ETV1: variants seen among roughly 807,000 people sequenced by gnomAD.
ETV1 encodes ETS translocation variant 1.
ETV1 carries 27 observed loss-of-function variants against 62.3 expected under a neutral mutation model. The ratio of observed to expected loss-of-function variants is 0.43; its 90% CI spans 0.32 to 0.60. The LOEUF is 0.60. Ranked by LOEUF, ETV1 falls within the 20% of genes least tolerant of loss-of-function variation. ETV1 has a pLI of 0.06. For missense variants in ETV1, 605 were observed against 605.8 expected, an observed-to-expected ratio of 1.00 and a Z score of 0.01; for synonymous variants, 222 against 199.6, an observed-to-expected ratio of 1.11 and a Z score of -0.94.
At chr7:13,977,875 C>G (rs1781608388) in intron 5 of ETV1, among the ~76,000 whole-genome samples, 1 of 152,034 alleles carries the variant, frequency 6.6e-6, no homozygotes, top group South Asian at 2.1e-4. Context: ...CTTAAATTAA[C>G]CACACAATTA....
intron 6 of ETV1, among the ~76,000 whole-genome samples, chr7:13,946,039 C>T (rs181519752): frequency 1.2e-4 from 19 of 152,296 alleles, no homozygotes; most frequent in East Asian, 3.9e-4. Flanking sequence ...CAGGCATCTG[C>T]GTTGTTTGTA....
At chr7:13,968,347 G>A (rs767499831) in intron 6 of ETV1, among the ~76,000 whole-genome samples, 13 of 151,826 alleles carry the variant, frequency 8.6e-5, no homozygotes, top group Non-Finnish European at 1.6e-4. Flanking sequence ...CACCAGTTTT[G>A]TAGAGTTTTG....
intron 11 of ETV1, 39 bp downstream of exon 11, chr7:13,909,593 T>G: frequency 6.7e-7 from 1 of 1,486,310 alleles, no homozygotes. Flanking sequence ...CACTCCATCT[T>G]TAAAAAAATC....
chr7:13,957,989 T>C (rs1789691285), intron 6 of ETV1, among the ~76,000 whole-genome samples: 1 of 152,160 alleles, frequency 6.6e-6, no homozygotes, highest in Non-Finnish European at 1.5e-5. Context: ...AAGGTGTGCA[T>C]AGGGATAAAA....
At chr7:13,977,403 A>T (rs755780200) in intron 6 of ETV1, 24 bp downstream of exon 6, 2 of 1,455,062 alleles carry the variant, frequency 1.4e-6, no homozygotes, top group Admixed American at 4.3e-5. Context: ...GAAAAATACA[A>T]GAGATGAGTC....
intron 6 of ETV1, among the ~76,000 whole-genome samples, chr7:13,976,870 A>G (rs1781499834): frequency 2.0e-5 from 3 of 152,198 alleles, no homozygotes; most frequent in Admixed American, 2.0e-4. Flanking sequence ...AGAGAAGCCA[A>G]TGGCTGCTTC....
intron 9 of ETV1, among the ~76,000 whole-genome samples, chr7:13,924,222 C>A (rs1434181977): frequency 6.6e-6 from 1 of 151,968 alleles, no homozygotes; most frequent in African/African-American, 2.4e-5. Context: ...AGCCACTGAG[C>A]CATCAAGGGC....
intron 6 of ETV1, among the ~76,000 whole-genome samples, chr7:13,959,770 C>T (rs754851641): frequency 4.6e-5 from 7 of 151,232 alleles, no homozygotes; most frequent in African/African-American, 9.7e-5. Context: ...CTAATCCCAC[C>T]TACTCGGGAG....
chr7:13,964,918 T>C (rs1790605733), intron 6 of ETV1, among the ~76,000 whole-genome samples: 1 of 152,168 alleles, frequency 6.6e-6, no homozygotes, highest in Non-Finnish European at 1.5e-5. Flanking sequence ...ATCTTTAAAT[T>C]AAAGGTGTTG....
chr7:13,950,102 G>T (rs76740682), intron 6 of ETV1, among the ~76,000 whole-genome samples: 5,960 of 152,130 alleles, frequency 0.039, 300 homozygotes, highest in African/African-American at 0.12. Context: ...TATGATTAAG[G>T]TTTCAGGATT....
chr7:13,905,006 G>C (rs184223442), intron 12 of ETV1, among the ~76,000 whole-genome samples: 1 of 149,538 alleles, frequency 6.7e-6, no homozygotes, highest in Admixed American at 6.8e-5. Flanking sequence ...CTGTGTGTGC[G>C]TGCTTGATGT....
chr7:13,947,044 G>A (rs1788245828), intron 6 of ETV1, among the ~76,000 whole-genome samples: 1 of 152,108 alleles, frequency 6.6e-6, no homozygotes, highest in South Asian at 2.1e-4. Flanking sequence ...CCAAAGTGCT[G>A]GGATTATAGG....
chr7:13,966,316 C>G (rs1409439252), intron 6 of ETV1, among the ~76,000 whole-genome samples: 1 of 152,028 alleles, frequency 6.6e-6, no homozygotes, highest in Non-Finnish European at 1.5e-5. Flanking sequence ...TGCCTTTGGA[C>G]AGAGTACATT....
intron 9 of ETV1, among the ~76,000 whole-genome samples, chr7:13,924,381 A>C (rs913244920): frequency 6.6e-5 from 10 of 152,228 alleles, no homozygotes; most frequent in Non-Finnish European, 1.5e-5. Flanking sequence ...ATAAAAGATC[A>C]CTTCTTTGAT....
At position 13,892,128 on chromosome 7, in the gene ETV1, T is replaced by C. The variant is rs1002602819; in HGVS notation, c.*3738A>G. 4.3e-5 allele frequency: 10 copies of C among 232,244 alleles called. No homozygotes were observed. The highest frequency in any genetic ancestry group is 1.3e-3 in the Middle Eastern group (1 of 800). The allele number at this position is 232,244 out of a possible 1,614,324, so 14.4% of individuals were successfully genotyped here. A position where few individuals can be genotyped will look rare whatever the true frequency, so the allele number is the denominator to read the frequency against. On this transcript the variant is annotated 3_prime_UTR_variant, in exon 14 of 14. Transcript: ENST00000430479. ...TATTTTACACATTGTTCTTACCTAA[T>C]AAGTAATAATCACTAGCAAATGATA... is the stretch of plus-strand genomic sequence containing the variant.
At position 13,988,255 on chromosome 7, in the gene ETV1, C is replaced by CAT. The variant is rs1782734023; in HGVS notation, c.46-83_46-82insAT. The CAT allele has an allele frequency of 1.5e-4, 121 of 817,824 alleles. 1 individual carries two copies. The South Asian group carries it at 1.7e-3, about 11-fold the overall frequency. The allele number at this position is 817,824 out of a possible 1,614,324, so 50.7% of individuals were successfully genotyped here. A position where few individuals can be genotyped will look rare whatever the true frequency, so the allele number is the denominator to read the frequency against. On this transcript the variant is annotated intron_variant, in intron 3 of 13. Coordinates refer to ENST00000430479, the MANE Select transcript of ETV1 (RefSeq NM_004956.5). ...GCACACGCGCGCGCACACACACACA[C>CAT]ACAGACATGCATACATAAGTCTAAT...
intron 5 of ETV1, among the ~76,000 whole-genome samples, chr7:13,982,267 T>G (rs1021287155): frequency 3.3e-5 from 5 of 152,120 alleles, no homozygotes; most frequent in African/African-American, 1.2e-4. Context: ...ACTCTATTAT[T>G]ATTTTTTATT....
rs534018020 is a variant in ETV1, at chr7:13,909,511, T to G, written c.940+121A>C. 113 of 738,544 alleles carry G rather than the reference T, an allele frequency of 1.5e-4. 1 individual carries two copies. In the African/African-American group the frequency reaches 1.8e-3, roughly 12 times the overall value. The allele number at this position is 738,544 out of a possible 1,614,324, so 45.7% of individuals were successfully genotyped here. A position where few individuals can be genotyped will look rare whatever the true frequency, so the allele number is the denominator to read the frequency against. ...TAGGTCAACGTTGGCTAAAATTAAGTGCATGATGAATTATGTGCATAGGAA... is the reference window on the plus strand; with the variant it reads ...TAGGTCAACGTTGGCTAAAATTAAGGGCATGATGAATTATGTGCATAGGAA... On this transcript the variant is annotated intron_variant, in intron 11 of 13. Transcript: ENST00000430479.
chr7:13,976,007 T>C (rs1204228877), intron 6 of ETV1, among the ~76,000 whole-genome samples: 6 of 152,162 alleles, frequency 3.9e-5, no homozygotes, highest in Non-Finnish European at 8.8e-5. Flanking sequence ...TTCCCATACT[T>C]TAATCAAGAA....
Sources: allele counts gnomAD v4.1 joint callset (sites outside exome capture counted in the v4.1 genomes callset), GRCh38; gene constraint gnomAD v4.1.1; transcripts MANE v1.5; gene names NCBI Gene and HGNC (gene_info 2026-07-23, HGNC 2026-07-21).